Variants in FHIT observed in about 807,000 individuals in gnomAD.
The protein encoded by FHIT is fragile histidine triad diadenosine triphosphatase.
In FHIT, 19 loss-of-function variants were observed where a neutral mutation model predicts 17.9. The ratio of observed to expected loss-of-function variants is 1.06; its 90% CI spans 0.74 to 1.56. The LOEUF (loss-of-function observed/expected upper bound fraction) is 1.56. Among genes scored for constraint, FHIT ranks in the 40% most tolerant of loss-of-function variants. The pLI is 0.00. For synonymous variants in FHIT, 81 were observed against 69.7 expected (o/e 1.16, Z -0.81); for missense variants, 248 against 189.2 (o/e 1.31, Z -1.82).
intron 1 of FHIT, among the ~76,000 whole-genome samples, chr3:61,208,127 G>C (rs908086496): frequency 5.9e-5 from 9 of 152,180 alleles, no homozygotes; most frequent in Non-Finnish European, 8.8e-5. Flanking sequence ...GAGTGGTTTT[G>C]AGTGAGTTTC....
chr3:60,430,081 T>A (rs967588508), intron 5 of FHIT, among the ~76,000 whole-genome samples: 14 of 151,844 alleles, frequency 9.2e-5, no homozygotes, highest in African/African-American at 3.4e-4. Context: ...CACAAAGCCA[T>A]GATCATGGCA....
chr3:60,660,546 T>C (rs2107823109), intron 4 of FHIT, among the ~76,000 whole-genome samples: 1 of 152,178 alleles, frequency 6.6e-6, no homozygotes, highest in African/African-American at 2.4e-5. Context: ...GATTATGCCA[T>C]GCAGTTGTTC....
intron 5 of FHIT, among the ~76,000 whole-genome samples, chr3:60,127,349 C>G (rs959689900): frequency 6.6e-6 from 1 of 152,114 alleles, no homozygotes; most frequent in African/African-American, 2.4e-5. Flanking sequence ...TGTTATCTTA[C>G]AATTAAGTGA....
chr3:60,947,929 T>TC (rs1708707700), intron 3 of FHIT, among the ~76,000 whole-genome samples: 1 of 152,196 alleles, frequency 6.6e-6, no homozygotes, highest in African/African-American at 2.4e-5. Flanking sequence ...TGTCTCTAGT[T>TC]CCCATTTTAT....
intron 5 of FHIT, among the ~76,000 whole-genome samples, chr3:60,037,782 C>T (rs1448137089): frequency 2.0e-5 from 3 of 150,292 alleles, no homozygotes; most frequent in Non-Finnish European, 4.4e-5. Context: ...GACATGATCT[C>T]GGCTCACTGC....
At chr3:60,364,834 A>T (rs1355020012) in intron 5 of FHIT, among the ~76,000 whole-genome samples, 1 of 152,048 alleles carries the variant, frequency 6.6e-6, no homozygotes, top group Non-Finnish European at 1.5e-5. Flanking sequence ...AGGAAGGGAA[A>T]ATTCACTCTC....
At chr3:60,191,185 T>A (rs1434351527) in intron 5 of FHIT, among the ~76,000 whole-genome samples, 4 of 152,148 alleles carry the variant, frequency 2.6e-5, no homozygotes, top group Admixed American at 2.6e-4. Flanking sequence ...CACAGTGGTG[T>A]ATACTATACA....
chr3:61,202,831 A>T (rs1304203712), intron 1 of FHIT, among the ~76,000 whole-genome samples: 2 of 151,982 alleles, frequency 1.3e-5, no homozygotes, highest in African/African-American at 4.8e-5. Context: ...GCAGGCAGAT[A>T]ACCTGAAGTC....
At chr3:61,014,047 G>A (rs1044855950) in intron 3 of FHIT, among the ~76,000 whole-genome samples, 17 of 152,102 alleles carry the variant, frequency 1.1e-4, no homozygotes, top group African/African-American at 3.6e-4. Context: ...AAGAATCACA[G>A]GAAGGGATGA....
rs563960183 is a variant in FHIT, at chr3:60,044,326, T to C, written c.104-30174A>G. ...GATTAACCGTTACCCATTAGTAATA[T>C]AGAAAGTTGTGAGGCAACGTCTTCA... On this transcript the variant is annotated intron_variant, in intron 5 of 9. Coordinates refer to ENST00000492590, the MANE Select transcript of FHIT (RefSeq NM_002012.4). Among the ~76,000 whole-genome samples the C allele has an allele frequency of 4.5e-4, 68 of 152,352 alleles. 1 individual carries two copies. In the South Asian group the frequency reaches 0.012, roughly 26 times the overall value.
intron 5 of FHIT, among the ~76,000 whole-genome samples, chr3:60,032,625 G>T (rs1701050387): frequency 6.6e-6 from 1 of 152,118 alleles, no homozygotes; most frequent in Non-Finnish European, 1.5e-5. Flanking sequence ...TAAATCTGCT[G>T]ATCAATTTCA....
intron 8 of FHIT, among the ~76,000 whole-genome samples, chr3:59,847,651 T>C (rs1701770678): frequency 6.6e-6 from 1 of 152,180 alleles, no homozygotes. Context: ...TCTATATGCC[T>C]TGTAATTTTA....
chr3:60,218,438 A>G (rs1439661693), intron 5 of FHIT, among the ~76,000 whole-genome samples: 1 of 152,178 alleles, frequency 6.6e-6, no homozygotes, highest in Non-Finnish European at 1.5e-5. Flanking sequence ...AGTTGATAAG[A>G]AAGTTCAACT....
intron 5 of FHIT, among the ~76,000 whole-genome samples, chr3:60,083,704 C>T (rs550389309): frequency 3.9e-5 from 6 of 152,254 alleles, no homozygotes; most frequent in Middle Eastern, 3.4e-3. Flanking sequence ...GTATGTATGG[C>T]CTCTATTGCA....
chr3:60,130,974 TATATATACAC>T lies in FHIT; in HGVS notation c.104-116832_104-116823del, dbSNP rs769000414. ...GTGACAATAAACCAGTAGAAAGGTA[TATATATACAC>T]ATATATACACATATATACATATGTG... On this transcript the variant is annotated intron_variant, in intron 5 of 9. Transcript: ENST00000492590. Among the ~76,000 whole-genome samples the T allele has an allele frequency of 8.0e-3, 1,126 of 140,814 alleles. 18 individuals are homozygous for T. The highest frequency in any genetic ancestry group is 0.025 in the African/African-American group (976 of 38,548). 92.4% of individuals were successfully genotyped at this position (140,814 alleles called of 152,430 possible). A position where few individuals can be genotyped will look rare whatever the true frequency, so the allele number is the denominator to read the frequency against.
intron 5 of FHIT, among the ~76,000 whole-genome samples, chr3:60,134,714 A>T (rs988881736): frequency 6.6e-6 from 1 of 152,210 alleles, no homozygotes; most frequent in Non-Finnish European, 1.5e-5. Context: ...TAGACACGTA[A>T]ACATGCTCCT....
intron 4 of FHIT, among the ~76,000 whole-genome samples, chr3:60,687,498 G>A (rs187747521): frequency 1.1e-3 from 167 of 152,004 alleles, no homozygotes; most frequent in African/African-American, 3.3e-3. Context: ...TGCTATTAAT[G>A]TCTAGCTCTA....
chr3:60,387,251 A>T (rs922804464), intron 5 of FHIT, among the ~76,000 whole-genome samples: 1 of 152,150 alleles, frequency 6.6e-6, no homozygotes, highest in South Asian at 2.1e-4. Flanking sequence ...TTGGCCTCCC[A>T]AAGTGCTGGG....
chr3:60,547,296 A>G (rs1304449741), intron 4 of FHIT, among the ~76,000 whole-genome samples: 1 of 152,172 alleles, frequency 6.6e-6, no homozygotes, highest in African/African-American at 2.4e-5. Flanking sequence ...TAAGCCAGAG[A>G]AGCAAATACT....
Sources: allele counts gnomAD v4.1 joint callset (sites outside exome capture counted in the v4.1 genomes callset), GRCh38; gene constraint gnomAD v4.1.1; transcripts MANE v1.5; gene names NCBI Gene and HGNC (gene_info 2026-07-23, HGNC 2026-07-21).